The following MBD5 variants were observed in gnomAD, a reference collection of about 807,000 sequenced individuals.
MBD5 encodes methyl-CpG-binding domain protein 5.
In MBD5, 13 loss-of-function variants were observed where a neutral mutation model predicts 117.3. The ratio of observed to expected loss-of-function variants is 0.11; its 90% CI spans 0.07 to 0.18. MBD5 has a LOEUF of 0.18. Among genes scored for constraint, MBD5 ranks in the 10% least tolerant of loss-of-function variants. MBD5 has a pLI of 1.00. For missense variants in MBD5, 1,879 were observed against 2,093.8 expected, an observed-to-expected ratio of 0.90 and a Z score of 2.00; for synonymous variants, 727 against 766.4, an observed-to-expected ratio of 0.95 and a Z score of 0.85.
At chr2:148,227,068 G>C (rs938813381) in intron 2 of MBD5, among the ~76,000 whole-genome samples, 5 of 152,194 alleles carry the variant, frequency 3.3e-5, no homozygotes, top group African/African-American at 1.2e-4. Flanking sequence ...TAGGTTGCCT[G>C]TTCACTCTGA....
chr2:148,173,892 C>T (rs1901013), intron 1 of MBD5, among the ~76,000 whole-genome samples: 56,712 of 151,976 alleles, frequency 0.37, 11,336 homozygotes, highest in South Asian at 0.5. Context: ...TCAATACAAT[C>T]CATATCAAAA....
chr2:148,318,247 A>G lies in MBD5; in HGVS notation c.-679-23967A>G, dbSNP rs575576193. Among the ~76,000 whole-genome samples, 9 of 150,074 alleles carry G rather than the reference A, an allele frequency of 6.0e-5. No homozygotes were observed. In the East Asian group the frequency reaches 1.6e-3, roughly 26 times the overall value. ...TTTCGTGTGTTTGTTAGCCACTTGT[A>G]TATCTGCTTTTGAATAATGTCTGCT... On this transcript the variant is annotated intron_variant, in intron 3 of 13. Transcript: ENST00000642680.
chr2:148,390,480 A>G, intron 4 of MBD5, among the ~76,000 whole-genome samples: 1 of 149,262 alleles, frequency 6.7e-6, no homozygotes, highest in African/African-American at 2.5e-5. Context: ...TATATATATA[A>G]GTATATATAT....
chr2:148,100,526 T>C (rs1696180052), intron 1 of MBD5, among the ~76,000 whole-genome samples: 1 of 152,122 alleles, frequency 6.6e-6, no homozygotes, highest in South Asian at 2.1e-4. Context: ...TTGTCTCACT[T>C]TCATGCTGTT....
At chr2:148,197,201 A>G (rs900294330) in intron 2 of MBD5, among the ~76,000 whole-genome samples, 63 of 152,236 alleles carry the variant, frequency 4.1e-4, no homozygotes, top group African/African-American at 1.4e-3. Context: ...CACCCTTGAA[A>G]TCCCAGTCCC....
chr2:148,266,609 T>C (rs1297356831), intron 3 of MBD5, among the ~76,000 whole-genome samples: 1 of 152,036 alleles, frequency 6.6e-6, no homozygotes, highest in Non-Finnish European at 1.5e-5. Flanking sequence ...CATGTTACTA[T>C]TACCTATATA....
chr2:148,197,249 A>C (rs1408435857), intron 2 of MBD5, among the ~76,000 whole-genome samples: 3 of 152,174 alleles, frequency 2.0e-5, no homozygotes, highest in Admixed American at 6.5e-5. Flanking sequence ...GAGAGGCTGC[A>C]ACCACACCAA....
chr2:148,506,471 C>T (rs1682035705), intron 12 of MBD5, among the ~76,000 whole-genome samples: 1 of 152,150 alleles, frequency 6.6e-6, no homozygotes, highest in African/African-American at 2.4e-5. Flanking sequence ...GCATACATTC[C>T]CCATGGATTC....
intron 1 of MBD5, among the ~76,000 whole-genome samples, chr2:148,086,269 A>G (rs1695789708): frequency 6.6e-6 from 1 of 152,050 alleles, no homozygotes; most frequent in Non-Finnish European, 1.5e-5. Context: ...GTATACCATT[A>G]GTAGTATAGT....
At chr2:148,294,510 T>G (rs868396974) in intron 3 of MBD5, among the ~76,000 whole-genome samples, 5 of 133,156 alleles carry the variant, frequency 3.8e-5, no homozygotes, top group Non-Finnish European at 5.0e-5. Context: ...AGTTTTTTTT[T>G]TTTTTTTTTT....
intron 2 of MBD5, among the ~76,000 whole-genome samples, chr2:148,225,783 C>T (rs1046223087): frequency 6.6e-6 from 1 of 152,154 alleles, no homozygotes; most frequent in African/African-American, 2.4e-5. Context: ...ATGCCATTCT[C>T]TCTTGGCCTG....
intron 3 of MBD5, among the ~76,000 whole-genome samples, chr2:148,288,410 A>AAAAAAAAAAAAAAAAAAAAAAAAG (rs1367731540): frequency 7.1e-6 from 1 of 140,570 alleles, no homozygotes; most frequent in African/African-American, 2.6e-5. Context: ...AAAAAAAAAA[A>AAAAAAAAAAAAAAAAAAAAAAAAG]AAAAGTGATT....
intron 4 of MBD5, among the ~76,000 whole-genome samples, chr2:148,386,849 A>G (rs932258791): frequency 1.3e-5 from 2 of 152,174 alleles, no homozygotes; most frequent in Non-Finnish European, 2.9e-5. Flanking sequence ...ACCTTACCAG[A>G]AGTGACTCAA....
chr2:148,029,585 GTTTT>G (rs1425498430), intron 1 of MBD5, among the ~76,000 whole-genome samples: 2 of 152,042 alleles, frequency 1.3e-5, no homozygotes, highest in African/African-American at 4.8e-5. Flanking sequence ...TTTTAGAAGG[GTTTT>G]TTGTTTTTAA....
chr2:148,195,498 T>G (rs1221673617), intron 2 of MBD5, among the ~76,000 whole-genome samples: 2 of 152,166 alleles, frequency 1.3e-5, no homozygotes, highest in African/African-American at 4.8e-5. Context: ...TTATAACAAG[T>G]AAACAGAAAC....
chr2:148,197,093 C>A (rs775626322), intron 2 of MBD5, among the ~76,000 whole-genome samples: 3 of 152,090 alleles, frequency 2.0e-5, no homozygotes, highest in Non-Finnish European at 4.4e-5. Flanking sequence ...AATTTGGCTT[C>A]TTTGACCAAT....
chr2:148,142,148 A>G (rs1200431216), intron 1 of MBD5, among the ~76,000 whole-genome samples: 1 of 152,216 alleles, frequency 6.6e-6, no homozygotes, highest in African/African-American at 2.4e-5. Flanking sequence ...GTCCCACAAA[A>G]GAAGAACCAA....
At chr2:148,310,286 G>T (rs909952344) in intron 3 of MBD5, among the ~76,000 whole-genome samples, 3 of 151,940 alleles carry the variant, frequency 2.0e-5, no homozygotes, top group Non-Finnish European at 4.4e-5. Flanking sequence ...GGGGTTTTTT[G>T]GTTGGTAAGC....
At chr2:148,166,623 G>C (rs568118632) in intron 1 of MBD5, among the ~76,000 whole-genome samples, 1 of 152,018 alleles carries the variant, frequency 6.6e-6, no homozygotes, top group Non-Finnish European at 1.5e-5. Context: ...GTGTATTTGC[G>C]TTTTCTCTGC....
Sources: gnomAD v4.1 joint callset for allele counts (sites outside exome capture counted in the v4.1 genomes callset) on GRCh38, gnomAD v4.1.1 for gene constraint, MANE v1.5 for transcripts, NCBI Gene and HGNC (gene_info 2026-07-23, HGNC 2026-07-21) for gene names.